Variants in HDAC4 observed in about 807,000 individuals in gnomAD.
HDAC4 encodes histone deacetylase A.
A neutral mutation model predicts 135.1 loss-of-function variants in HDAC4; 16 were observed. The ratio of observed to expected loss-of-function variants is 0.12; its 90% CI spans 0.08 to 0.18. The LOEUF (loss-of-function observed/expected upper bound fraction) is 0.18, where lower values mean the gene tolerates loss of function less well. HDAC4 is among the 10% of genes least tolerant of loss of function. The probability of loss-of-function intolerance (pLI) is 1.00; values close to 1 mark genes in which losing one functional copy is unlikely to be tolerated. For missense variants in HDAC4, 1,143 were observed against 1,511.8 expected (o/e 0.76, Z 4.05); for synonymous variants, 685 against 653.4 (o/e 1.05, Z -0.74).
At chr2:239,274,644 T>C (rs533217422) in intron 2 of HDAC4, among the ~76,000 whole-genome samples, 13 of 152,324 alleles carry the variant, frequency 8.5e-5, no homozygotes, top group Middle Eastern at 6.8e-3. Flanking sequence ...CCAGTGAAGC[T>C]GGGGGGCCCT....
At chr2:239,261,523 T>C (rs2049366774) in intron 2 of HDAC4, among the ~76,000 whole-genome samples, 1 of 152,032 alleles carries the variant, frequency 6.6e-6, no homozygotes, top group Non-Finnish European at 1.5e-5. Flanking sequence ...CAAAACACGC[T>C]TCAACAGTTG....
At chr2:239,242,994 T>C (rs6712996) in intron 2 of HDAC4, among the ~76,000 whole-genome samples, 47,210 of 151,930 alleles carry the variant, frequency 0.31, 8,303 homozygotes, top group African/African-American at 0.47. Context: ...AGGGGGTTTT[T>C]GGGAACAGGA....
intron 3 of HDAC4, among the ~76,000 whole-genome samples, chr2:239,202,877 T>C (rs951883603): frequency 6.6e-6 from 1 of 152,180 alleles, no homozygotes; most frequent in African/African-American, 2.4e-5. Context: ...TTTTGGCATG[T>C]CCTGTTAGTT....
chr2:239,314,184 A>G (rs2053017535), intron 2 of HDAC4, among the ~76,000 whole-genome samples: 1 of 152,218 alleles, frequency 6.6e-6, no homozygotes, highest in South Asian at 2.1e-4. Context: ...AACCTTCTCT[A>G]GAGGAACACG....
At chr2:239,276,531 C>T (rs2050375373) in intron 2 of HDAC4, among the ~76,000 whole-genome samples, 1 of 152,226 alleles carries the variant, frequency 6.6e-6, no homozygotes, top group East Asian at 1.9e-4. Flanking sequence ...AACGGCTTCA[C>T]CAGTCATGGG....
chr2:239,129,148 C>T (rs914155699), intron 11 of HDAC4, among the ~76,000 whole-genome samples: 9 of 152,302 alleles, frequency 5.9e-5, no homozygotes, highest in South Asian at 4.2e-4. Context: ...CAGCCTATCT[C>T]GCCCACTCAG....
chr2:239,198,302 G>A (rs2045536120), intron 3 of HDAC4, among the ~76,000 whole-genome samples: 1 of 152,192 alleles, frequency 6.6e-6, no homozygotes, highest in South Asian at 2.1e-4. Context: ...GGTTCTCAAT[G>A]CCAGGCTTCA....
chr2:239,338,606 A>G (rs973552486), intron 2 of HDAC4, among the ~76,000 whole-genome samples: 17 of 152,354 alleles, frequency 1.1e-4, no homozygotes, highest in African/African-American at 3.8e-4. Context: ...TAGCCACTAC[A>G]TAAAATAGGA....
At chr2:239,274,247 G>A (rs970553581) in intron 2 of HDAC4, among the ~76,000 whole-genome samples, 6 of 152,270 alleles carry the variant, frequency 3.9e-5, no homozygotes, top group South Asian at 2.1e-4. Flanking sequence ...ATAAACCTGG[G>A]CTCACAATTG....
chr2:239,155,526 G>A (rs1221138783), intron 7 of HDAC4: 2 of 152,286 alleles, frequency 1.3e-5, no homozygotes, highest in African/African-American at 4.8e-5. Context: ...CTCCAGGGAT[G>A]TGGCTGGCTG....
intron 1 of HDAC4, among the ~76,000 whole-genome samples, chr2:239,364,375 A>G (rs1196581560): frequency 6.6e-6 from 1 of 152,264 alleles, no homozygotes; most frequent in Admixed American, 6.5e-5. Flanking sequence ...ACCTATATGC[A>G]GTGACACAGA....
At chr2:239,376,562 A>G (rs1023672937) in intron 1 of HDAC4, among the ~76,000 whole-genome samples, 2 of 152,226 alleles carry the variant, frequency 1.3e-5, no homozygotes, top group South Asian at 2.1e-4. Context: ...CATCAGTAAC[A>G]TGGCCTCCTG....
intron 1 of HDAC4, among the ~76,000 whole-genome samples, chr2:239,399,603 G>C (rs946329604): frequency 6.6e-6 from 1 of 152,222 alleles, no homozygotes; most frequent in African/African-American, 2.4e-5. Context: ...CCCCAGTCCT[G>C]CTGGGCTGGC....
At chr2:239,151,550 C>G (rs1043450317) in intron 7 of HDAC4, among the ~76,000 whole-genome samples, 4 of 152,212 alleles carry the variant, frequency 2.6e-5, no homozygotes, top group Non-Finnish European at 5.9e-5. Context: ...ACTTTTCAAG[C>G]CTGACCATGG....
rs1191515889 is a variant in HDAC4, at chr2:239,313,438, A to G, written c.22+39240T>C. ...AGAACCAAGTATCCCCAGGCTGCCC[A>G]GGAGCCCGCTCCTCCAATTGGGGGC... is the stretch of plus-strand genomic sequence containing the variant. On this transcript the variant is annotated intron_variant, in intron 2 of 26. Coordinates refer to ENST00000543185, the MANE Select transcript of HDAC4 (RefSeq NM_001378414.1). The surrounding 1 kb of genome is among the most constrained non-coding windows in gnomAD (Gnocchi z 5.1). Among the ~76,000 whole-genome samples the G allele has an allele frequency of 6.6e-6, 1 of 152,052 alleles. No homozygotes were observed. Among genetic ancestry groups the G allele is most frequent in the Non-Finnish European group, 1.5e-5 (1 of 68,002 alleles).
chr2:239,148,569 G>A (rs944146517), intron 7 of HDAC4, among the ~76,000 whole-genome samples: 1 of 152,184 alleles, frequency 6.6e-6, no homozygotes, highest in Non-Finnish European at 1.5e-5. Flanking sequence ...AGGGCAAGAC[G>A]ATGACCTGAA....
chr2:239,327,741 C>T (rs983043952), intron 2 of HDAC4, among the ~76,000 whole-genome samples: 1 of 152,214 alleles, frequency 6.6e-6, no homozygotes. Context: ...CTCCCCAAAG[C>T]GTGCCTGTGC....
intron 2 of HDAC4, among the ~76,000 whole-genome samples, chr2:239,304,963 A>C (rs1380570193): frequency 6.6e-6 from 1 of 152,166 alleles, no homozygotes; most frequent in Non-Finnish European, 1.5e-5. Context: ...CACAGAGTCC[A>C]GCCGTCCCCT....
In HDAC4 at chr2:239,141,806, G is replaced by T. The variant is rs895892185; in HGVS notation, c.866-2010C>A. Among the ~76,000 whole-genome samples, 2 of 152,176 alleles carry T rather than the reference G, an allele frequency of 1.3e-5. No homozygotes were observed. Among genetic ancestry groups the T allele is most frequent in the Non-Finnish European group, 2.9e-5 (2 of 68,036 alleles). ...CTTTTTGGGGCGGTAAAAATTATAT[G>T]TGTAACTTTCCACCCACTTTTAACT... On this transcript the variant is annotated intron_variant, in intron 8 of 26. Coordinates refer to ENST00000543185, the MANE Select transcript of HDAC4 (RefSeq NM_001378414.1). This position sits in a 1 kb window ranked among gnomAD's most constrained non-coding sequence, Gnocchi z 4.9.
Sources: allele counts gnomAD v4.1 joint callset (sites outside exome capture counted in the v4.1 genomes callset), GRCh38; gene constraint gnomAD v4.1.1; non-coding constraint Gnocchi (gnomAD v3.1); transcripts MANE v1.5; gene names NCBI Gene and HGNC (gene_info 2026-07-23, HGNC 2026-07-21).